The following FLNB variants were observed in gnomAD, a reference collection of about 807,000 sequenced individuals.
FLNB encodes the protein filamin-B.
A neutral mutation model predicts 250.6 loss-of-function variants in FLNB; 111 were observed. The observed-to-expected ratio is 0.44, with a 90% CI of 0.38 to 0.52. The LOEUF is 0.52. FLNB is among the 20% of genes least tolerant of loss of function. The pLI is 0.00. For synonymous variants in FLNB, 1,302 were observed against 1,372.1 expected, an observed-to-expected ratio of 0.95 and a Z score of 1.13; for missense variants, 2,869 against 3,447.8, an observed-to-expected ratio of 0.83 and a Z score of 4.20.
Position 58,142,198 on chromosome 3 carries a change from C to T in FLNB, c.5181+269C>T, listed in dbSNP as rs2097328323. 6.6e-6 allele frequency among the ~76,000 whole-genome samples: 1 copy of T among 152,212 alleles called. No homozygotes were observed. The highest frequency in any genetic ancestry group is 1.5e-5 in the Non-Finnish European group (1 of 68,040). ...CTCTGTGTTTAAAGAGAAAGACAGACAGCTGTCTGCAGCCCTCCTGCTGCC... is the reference window on the plus strand; with the variant it reads ...CTCTGTGTTTAAAGAGAAAGACAGATAGCTGTCTGCAGCCCTCCTGCTGCC... On this transcript the variant is annotated intron_variant, in intron 30 of 45. Coordinates refer to ENST00000295956, the MANE Select transcript of FLNB (RefSeq NM_001457.4). This position sits in a 1 kb window ranked among gnomAD's most constrained non-coding sequence, Gnocchi z 4.3.
intron 1 of FLNB, among the ~76,000 whole-genome samples, chr3:58,023,050 G>C (rs1045932963): frequency 6.6e-6 from 1 of 150,918 alleles, no homozygotes; most frequent in Non-Finnish European, 1.5e-5. Context: ...TCCTGATCTC[G>C]AGATCCACCT....
At chr3:58,048,365 G>C (rs1207363149) in intron 1 of FLNB, among the ~76,000 whole-genome samples, 1 of 152,210 alleles carries the variant, frequency 6.6e-6, no homozygotes, top group African/African-American at 2.4e-5. Context: ...GGTGGAGCCT[G>C]GGAATCTGCA....
Position 58,126,624 on chromosome 3 carries a change from G to A in FLNB, c.4084G>A (p.Gly1362Ser), listed in dbSNP as rs757031494. The A allele has an allele frequency of 6.2e-7, 1 of 1,614,082 alleles. No individual in the cohort carries two copies. Among genetic ancestry groups the A allele is most frequent in the South Asian group, 1.1e-5 (1 of 91,078 alleles). The change falls in exon 24 of 46, where the codon GGC becomes AGC. Residue 1362 changes from glycine (G) to serine (S), a missense_variant. Physicochemically the swap from Gly to Ser is moderately conservative, Grantham distance 56 (BLOSUM62 0). Coordinates refer to ENST00000295956, the MANE Select transcript of FLNB (RefSeq NM_001457.4). ...VTRGAGIGGL[G>S]ITVEGPSESK... ...CAGAGGCGCAGGAATTGGTGGGCTT[G>A]GCATAACTGTTGAGGGACCATCAGA...
At chr3:58,129,248 C>G (rs1429106121) in intron 24 of FLNB, among the ~76,000 whole-genome samples, 1 of 152,130 alleles carries the variant, frequency 6.6e-6, no homozygotes, top group Admixed American at 6.5e-5. Flanking sequence ...ACTGGATTGA[C>G]TGGGGTTCAG....
chr3:58,141,692 A>G (rs2097327392), intron 29 of FLNB, among the ~76,000 whole-genome samples, 166 bp from the exon 30 acceptor site: 2 of 152,194 alleles, frequency 1.3e-5, no homozygotes, highest in South Asian at 4.1e-4. Context: ...TGAAGAGAGG[A>G]CACCAACTGC....
In FLNB at chr3:58,036,132, G is replaced by A. The variant is rs915615441; in HGVS notation, c.292+27276G>A. Reference sequence around the variant, plus strand: ...CCCTAGAGCACAGAATGAGAAGGACGTGGACTCAGGATACCTGTTTCTTTA... The same window carrying A: ...CCCTAGAGCACAGAATGAGAAGGACATGGACTCAGGATACCTGTTTCTTTA... On this transcript the variant is annotated intron_variant, in intron 1 of 45. Transcript: ENST00000295956. 4.6e-5 allele frequency among the ~76,000 whole-genome samples: 7 copies of A among 152,180 alleles called. 1 individual carries two copies. The highest frequency in any genetic ancestry group is 4.2e-4 in the South Asian group (2 of 4,818).
At chr3:58,050,784 C>T (rs562067190) in intron 1 of FLNB, among the ~76,000 whole-genome samples, 1 of 152,336 alleles carries the variant, frequency 6.6e-6, no homozygotes, top group South Asian at 2.1e-4. Flanking sequence ...GACAGGTCCT[C>T]TGTGCCCCCT....
intron 27 of FLNB, 132 bp downstream of exon 27, chr3:58,134,904 A>T: frequency 2.3e-6 from 2 of 860,644 alleles, no homozygotes. Context: ...CCCACCAAAG[A>T]GTCAGTAAAT....
At chr3:58,133,806 C>T (rs1203277130) in intron 26 of FLNB, among the ~76,000 whole-genome samples, 2 of 151,960 alleles carry the variant, frequency 1.3e-5, no homozygotes, top group East Asian at 1.9e-4. Context: ...AGCATATTAG[C>T]TCTATGTAGA....
Position 58,148,301 on chromosome 3 carries a change from A to C in FLNB, c.5824A>C (p.Ile1942Leu), listed in dbSNP as rs576072178. 1.2e-6 allele frequency: 2 copies of C among 1,614,012 alleles called. No homozygotes were observed. The highest frequency in any genetic ancestry group is 2.2e-5 in the South Asian group (2 of 91,078). Residue 1942 changes from isoleucine to leucine, a missense_variant, in exon 35 of 46, where the codon ATT becomes CTT. By Grantham distance (5) the Ile-to-Leu change is conservative. Transcript: ENST00000295956. ...ETDLSSLTAS[I>L]KAPSGRDEPC... The stretch of plus-strand genomic sequence containing the variant: ...TGACCTCAGCAGCCTGACGGCCAGC[A>C]TTAAGGCCCCATCTGGCCGAGACGA...
chr3:58,068,228 A>G (rs2097188837), intron 1 of FLNB, among the ~76,000 whole-genome samples: 1 of 152,234 alleles, frequency 6.6e-6, no homozygotes, highest in Non-Finnish European at 1.5e-5. Context: ...GGAGAAGGGG[A>G]CAAAGGCCAC....
chr3:58,104,632 G>A lies in FLNB; in HGVS notation c.1611-448G>A, dbSNP rs1050651688. The stretch of plus-strand genomic sequence containing the variant: ...AAATATTTGGGCATTATTGGGTTCC[G>A]AATACCTACCACGCTTTTTTTTTTA... On this transcript the variant is annotated intron_variant, in intron 10 of 45. Transcript: ENST00000295956. Among the ~76,000 whole-genome samples, 13 of 152,214 alleles carry A rather than the reference G, an allele frequency of 8.5e-5. 1 individual carries two copies. Among genetic ancestry groups the A allele is most frequent in the Admixed American group, 2.6e-4 (4 of 15,288 alleles).
chr3:58,022,065 A>T (rs2097114977), intron 1 of FLNB, among the ~76,000 whole-genome samples: 1 of 151,926 alleles, frequency 6.6e-6, no homozygotes. Context: ...GAGCCACCTC[A>T]CTTGGCCACA....
At chr3:58,119,035 A>T in intron 19 of FLNB, 46 bp downstream of exon 19, 2 of 1,335,312 alleles carry the variant, frequency 1.5e-6, no homozygotes, top group South Asian at 2.3e-5. Context: ...TGACCCCCCA[A>T]CGTGGCTGCT....
intron 21 of FLNB, 117 bp downstream of exon 21, chr3:58,123,807 G>A (rs533894657): frequency 1.2e-5 from 10 of 833,810 alleles, no homozygotes; most frequent in African/African-American, 5.2e-5. Flanking sequence ...CATATAAGGC[G>A]GTGCTCACCT....
intron 19 of FLNB, among the ~76,000 whole-genome samples, chr3:58,119,682 A>G (rs985676539): frequency 2.6e-4 from 40 of 152,216 alleles, no homozygotes; most frequent in Admixed American, 2.6e-3. Context: ...TATACAAGTA[A>G]AAATATATCC....
At chr3:58,159,160 G>T (rs912800408) in intron 41 of FLNB, among the ~76,000 whole-genome samples, 2 of 152,094 alleles carry the variant, frequency 1.3e-5, no homozygotes, top group East Asian at 1.9e-4. Flanking sequence ...AACTGTGTTC[G>T]TGTTCGTGAG....
chr3:58,098,638 G>A, intron 7 of FLNB, 73 bp from the exon 8 acceptor site: 2 of 1,454,950 alleles, frequency 1.4e-6, no homozygotes, highest in Non-Finnish European at 1.9e-6. Context: ...GGTCCTGTTT[G>A]CATTTTGCAC....
chr3:58,021,345 G>GT (rs919104272), intron 1 of FLNB, among the ~76,000 whole-genome samples: 1 of 152,182 alleles, frequency 6.6e-6, no homozygotes, highest in African/African-American at 2.4e-5. Context: ...GTTGAGCAGA[G>GT]TTCAGGGTTC....
Sources: gnomAD v4.1 joint callset for allele counts (sites outside exome capture counted in the v4.1 genomes callset) on GRCh38, gnomAD v4.1.1 for gene constraint, Gnocchi (gnomAD v3.1) non-coding constraint, MANE v1.5 for transcripts, NCBI Gene and HGNC (gene_info 2026-07-23, HGNC 2026-07-21) for gene names.